Variants in RELN observed in about 807,000 individuals in gnomAD.
RELN encodes the protein reelin.
In RELN, 108 loss-of-function variants were observed where a neutral mutation model predicts 427.6. The ratio of observed to expected loss-of-function variants is 0.25; its 90% CI spans 0.22 to 0.30. The LOEUF is 0.30. Ranked by LOEUF, RELN falls within the 10% of genes least tolerant of loss-of-function variation. The pLI is 1.00. For synonymous variants in RELN, 1,524 were observed against 1,513.4 expected (o/e 1.01, Z -0.16); for missense variants, 3,715 against 4,302.8 (o/e 0.86, Z 3.82).
At chr7:103,561,976 AAAC>A in intron 34 of RELN, 23 bp from the exon 35 acceptor site, 4 of 1,599,632 alleles carry the variant, frequency 2.5e-6, no homozygotes, top group East Asian at 2.3e-5. Flanking sequence ...AAAAAAAAAA[AAAC>A]ACACCACTGG....
rs79925051 is a variant in RELN, at chr7:103,697,669, G to C, written c.1143+184C>G. On this transcript the variant is annotated intron_variant, in intron 10 of 64. Coordinates refer to ENST00000428762, the MANE Select transcript of RELN (RefSeq NM_005045.4). ...ATACTTGTTAAATGAATGAATAAGT[G>C]AATGTTTTATACTAATGACTTTCCA... 9.9e-3 allele frequency among the ~76,000 whole-genome samples: 1,511 copies of C among 152,244 alleles called. 20 individuals carry two copies. Among genetic ancestry groups the C allele is most frequent in the African/African-American group, 0.034 (1,431 of 41,546 alleles).
chr7:103,751,928 T>C (rs1791012638), intron 5 of RELN, among the ~76,000 whole-genome samples: 1 of 152,360 alleles, frequency 6.6e-6, no homozygotes, highest in South Asian at 2.1e-4. Context: ...TTTCTTTTCA[T>C]TCTTATTAAA....
At chr7:103,636,524 C>A in intron 17 of RELN, 56 bp from the exon 18 acceptor site, 2 of 1,156,398 alleles carry the variant, frequency 1.7e-6, no homozygotes, top group South Asian at 2.6e-5. Flanking sequence ...CGGAGATTCT[C>A]GAATCTACTT....
intron 6 of RELN, among the ~76,000 whole-genome samples, chr7:103,745,359 A>C (rs564124958): frequency 3.9e-5 from 6 of 152,124 alleles, no homozygotes; most frequent in Non-Finnish European, 8.8e-5. Context: ...CGGGCACAAG[A>C]CAGGGAAGCC....
chr7:103,587,437 C>T (rs1184132711), intron 28 of RELN, among the ~76,000 whole-genome samples: 3 of 152,038 alleles, frequency 2.0e-5, no homozygotes, highest in African/African-American at 7.2e-5. Context: ...AGAAGAAAAC[C>T]TATGGAAAAC....
intron 49 of RELN, among the ~76,000 whole-genome samples, chr7:103,516,286 CTTTTTT>C (rs3051646): frequency 0.065 from 9,134 of 141,156 alleles, 381 homozygotes; most frequent in East Asian, 0.22. Flanking sequence ...CACAAAGTAT[CTTTTTT>C]TTTTTTTTTT....
intron 10 of RELN, among the ~76,000 whole-genome samples, chr7:103,685,428 C>G (rs1238204366): frequency 6.6e-6 from 1 of 152,050 alleles, no homozygotes; most frequent in Admixed American, 6.6e-5. Flanking sequence ...TCATGAAAAT[C>G]TACTAGGTTT....
At chr7:103,661,344 A>G in intron 12 of RELN, 32 bp downstream of exon 12, 1 of 1,611,358 alleles carries the variant, frequency 6.2e-7, no homozygotes, top group Non-Finnish European at 8.5e-7. Context: ...GATTTGCCCC[A>G]CGGTGAACAA....
intron 3 of RELN, among the ~76,000 whole-genome samples, chr7:103,801,122 C>T (rs1584251077): frequency 6.6e-6 from 1 of 152,302 alleles, no homozygotes; most frequent in South Asian, 2.1e-4. Context: ...AATGCTATTA[C>T]ACTGTTGGTG....
At chr7:103,773,727 C>A (rs1355495621) in intron 4 of RELN, among the ~76,000 whole-genome samples, 1 of 151,990 alleles carries the variant, frequency 6.6e-6, no homozygotes, top group Non-Finnish European at 1.5e-5. Flanking sequence ...GCCTCAGCCT[C>A]CCAAAGTGCT....
intron 2 of RELN, among the ~76,000 whole-genome samples, chr7:103,909,662 TAAATATATATTAAATATATTTA>T (rs1563084634): frequency 1.1e-4 from 9 of 84,166 alleles, no homozygotes; most frequent in African/African-American, 4.4e-4. Context: ...TTAATATATA[TAAATATATATTAAATATATTTA>T]ATAAATATAT....
intron 2 of RELN, among the ~76,000 whole-genome samples, chr7:103,894,983 G>C (rs80313391): frequency 6.6e-6 from 1 of 152,048 alleles, no homozygotes. Context: ...TACATAATGT[G>C]TATATTTATT....
At chr7:103,765,842 G>A (rs1343894669) in intron 4 of RELN, among the ~76,000 whole-genome samples, 1 of 152,164 alleles carries the variant, frequency 6.6e-6, no homozygotes, top group Non-Finnish European at 1.5e-5. Context: ...GCTGTCAAGT[G>A]GGAATGTATA....
chr7:103,939,307 T>C (rs1436577229), intron 1 of RELN, among the ~76,000 whole-genome samples: 1 of 152,184 alleles, frequency 6.6e-6, no homozygotes, highest in Non-Finnish European at 1.5e-5. Flanking sequence ...TAAGGTATAA[T>C]TTTGTAGTGA....
At chr7:103,491,700 A>G (rs530014025) in intron 58 of RELN, among the ~76,000 whole-genome samples, 51 of 152,152 alleles carry the variant, frequency 3.4e-4, no homozygotes, top group Non-Finnish European at 6.8e-4. Flanking sequence ...GTGGTGACAC[A>G]TGCCTGTAAT....
At chr7:103,798,236 T>C (rs1378534760) in intron 3 of RELN, among the ~76,000 whole-genome samples, 2 of 152,218 alleles carry the variant, frequency 1.3e-5, no homozygotes, top group African/African-American at 2.4e-5. Context: ...AAAACAAATA[T>C]GTATTTTAAG....
intron 20 of RELN, among the ~76,000 whole-genome samples, chr7:103,615,235 G>A (rs1434493989): frequency 6.6e-6 from 1 of 152,132 alleles, no homozygotes; most frequent in Admixed American, 6.5e-5. Context: ...ACTTAGGACA[G>A]GATTACCTTT....
Position 103,574,197 on chromosome 7 carries a change from T to G in RELN, c.4406A>C (p.Gln1469Pro), listed in dbSNP as rs1291787975. ...SPLWYKITGA[Q>P]VGTGCGTLND... is the part of the protein sequence containing the mutation. ...AAGTGTTCCACAGCCAGTTCCAACC[T>G]GGGCACCTGTTATCTTGTACCACAG... The change falls in exon 30 of 65, where the codon CAG becomes CCG. Residue 1469 changes from glutamine to proline, a missense_variant. This residue lies in a region of RELN where 2,208 missense variants were observed against 2,361.7 expected (regional missense o/e 0.93). Coordinates refer to ENST00000428762, the MANE Select transcript of RELN (RefSeq NM_005045.4). 1 of 1,614,196 alleles carries G rather than the reference T, an allele frequency of 6.2e-7. No homozygotes were observed. Among genetic ancestry groups the G allele is most frequent in the East Asian group, 2.2e-5 (1 of 44,882 alleles).
intron 8 of RELN, among the ~76,000 whole-genome samples, chr7:103,722,808 A>T (rs1029883476): frequency 6.6e-6 from 1 of 152,192 alleles, no homozygotes; most frequent in South Asian, 2.1e-4. Context: ...AACATATTTC[A>T]ATCTTAATCT....
Sources: gnomAD v4.1 joint callset for allele counts (sites outside exome capture counted in the v4.1 genomes callset) on GRCh38, gnomAD v4.1.1 for gene constraint, gnomAD v4.1.1 regional missense constraint, MANE v1.5 for transcripts, NCBI Gene and HGNC (gene_info 2026-07-23, HGNC 2026-07-21) for gene names.